The following SCARB1 variants were observed in gnomAD, a reference collection of about 807,000 sequenced individuals.
The protein encoded by SCARB1 is scavenger receptor class B member 1, also known as CD36 and LIMPII analogous 1.
SCARB1 carries 30 observed loss-of-function variants against 57.2 expected under a neutral mutation model. That is an observed-to-expected ratio of 0.52 (90% CI 0.39 to 0.71). The LOEUF is 0.71. Among genes scored for constraint, SCARB1 ranks in the 30% least tolerant of loss-of-function variants. The pLI, the probability that SCARB1 is intolerant of heterozygous loss-of-function variation, is 0.00. For synonymous variants in SCARB1, 249 were observed against 268.3 expected (o/e 0.93, Z 0.70); for missense variants, 543 against 671.2 (o/e 0.81, Z 2.11).
chr12:124,856,018 C>T (rs1389403613), intron 1 of SCARB1, among the ~76,000 whole-genome samples: 4 of 152,226 alleles, frequency 2.6e-5, no homozygotes, highest in African/African-American at 9.6e-5. Context: ...GGCTGAGCTT[C>T]GCCACGTTCT....
At chr12:124,815,893 A>G (rs1950695126) in intron 2 of SCARB1, among the ~76,000 whole-genome samples, 1 of 152,010 alleles carries the variant, frequency 6.6e-6, no homozygotes, top group African/African-American at 2.4e-5. Flanking sequence ...AGATCGTGCC[A>G]TGCTCTGGAC....
rs1950988001 is a variant in SCARB1 at position 124,822,526 on chromosome 12, C to T, written c.127-4819G>A. Among the ~76,000 whole-genome samples, 1 of 152,340 alleles carries T rather than the reference C, an allele frequency of 6.6e-6. No individual in the cohort carries two copies. The highest frequency in any genetic ancestry group is 2.1e-4 in the South Asian group (1 of 4,828). ...GACCGGGATGGAGGGAGGGGACTAA[C>T]GTGAACTGGCCCAGCTATCTTGATT... On this transcript the variant is annotated intron_variant, in intron 1 of 12. Transcript: ENST00000261693. This position sits in a 1 kb window ranked among gnomAD's most constrained non-coding sequence, Gnocchi z 5.0.
At chr12:124,803,031 A>T (rs1950187564) in intron 7 of SCARB1, among the ~76,000 whole-genome samples, 1 of 152,256 alleles carries the variant, frequency 6.6e-6, no homozygotes, top group African/African-American at 2.4e-5. Flanking sequence ...CCACACAGCA[A>T]CGGAGAGGAG....
chr12:124,815,168 C>T, intron 2 of SCARB1, 54 bp from the exon 3 acceptor site: 7 of 1,599,744 alleles, frequency 4.4e-6, no homozygotes, highest in Non-Finnish European at 6.0e-6. Flanking sequence ...GGGACGTTTC[C>T]CTTCTACTCG....
intron 1 of SCARB1, among the ~76,000 whole-genome samples, chr12:124,853,390 G>GTGT (rs1566260073): frequency 8.2e-6 from 1 of 122,534 alleles, no homozygotes; most frequent in African/African-American, 3.0e-5. Context: ...GCATAGTTTT[G>GTGT]TTTTTTTTTT....
intron 1 of SCARB1, among the ~76,000 whole-genome samples, chr12:124,861,338 C>CT (rs933272671): frequency 1.3e-5 from 2 of 152,016 alleles, no homozygotes; most frequent in Non-Finnish European, 2.9e-5. Context: ...GTTTTTATGT[C>CT]TTTTTTTAGT....
chr12:124,863,539 CCAGCGCCCAA>C lies in SCARB1; in HGVS notation c.126+46_126+55del, dbSNP rs1208272736. ...CGCAACGCGCGGGTCCTCCCGGCGC[CCAGCGCCCAA>C]CAGCCCGGGTCCGTGCGCGGACCCC... On this transcript the variant is annotated intron_variant, in intron 1 of 12. Coordinates refer to ENST00000261693, the MANE Select transcript of SCARB1 (RefSeq NM_005505.5). 1.9e-6 allele frequency: 3 copies of C among 1,569,590 alleles called. No individual in the cohort carries two copies. In the African/African-American group the frequency reaches 4.2e-5, roughly 22 times the overall value.
At chr12:124,842,661 G>A (rs758262660) in intron 1 of SCARB1, among the ~76,000 whole-genome samples, 1 of 152,208 alleles carries the variant, frequency 6.6e-6, no homozygotes, top group Non-Finnish European at 1.5e-5. Flanking sequence ...AAAGACACAG[G>A]GGTGTTTCCA....
At position 124,861,433 on chromosome 12, in the gene SCARB1, G is replaced by A. The variant is rs147845898; in HGVS notation, c.126+2162C>T. Among the ~76,000 whole-genome samples, 6 of 151,960 alleles carry A rather than the reference G, an allele frequency of 3.9e-5. No homozygotes were observed. In the East Asian group the frequency reaches 1.2e-3, roughly 29 times the overall value. Reference sequence around the variant, plus strand: ...CACGGATGCAGAACCTGCAGACACAGAGGGCCAACTGTAGGGACTTCTGTT... The same window carrying A: ...CACGGATGCAGAACCTGCAGACACAAAGGGCCAACTGTAGGGACTTCTGTT... On this transcript the variant is annotated intron_variant, in intron 1 of 12. Coordinates refer to ENST00000261693, the MANE Select transcript of SCARB1 (RefSeq NM_005505.5).
chr12:124,821,274 A>G (rs928493566), intron 1 of SCARB1: 82 of 436,342 alleles, frequency 1.9e-4, no homozygotes, highest in Non-Finnish European at 2.3e-4. Context: ...ACACACGCGC[A>G]CACACACACA....
chr12:124,798,481 C>G (rs911720428), intron 8 of SCARB1, among the ~76,000 whole-genome samples: 4 of 152,018 alleles, frequency 2.6e-5, no homozygotes, highest in African/African-American at 7.2e-5. Context: ...GGACACTATG[C>G]GAAGTAAAAT....
At position 124,813,696 on chromosome 12, in the gene SCARB1, TC is replaced by T. The variant is rs545013761; in HGVS notation, c.630+505del. Among the ~76,000 whole-genome samples, 127 of 151,500 alleles carry T rather than the reference TC, an allele frequency of 8.4e-4. 1 individual carries two copies. The highest frequency in any genetic ancestry group is 3.0e-3 in the African/African-American group (124 of 41,276). ...ATCTATCACACGCAGCACCACGATA[TC>T]CCCCCCAGCACTCTACCCTGATCAG... is the stretch of plus-strand genomic sequence containing the variant. On this transcript the variant is annotated intron_variant, in intron 4 of 12. Coordinates refer to ENST00000261693, the MANE Select transcript of SCARB1 (RefSeq NM_005505.5).
At chr12:124,846,219 T>C (rs982596703) in intron 1 of SCARB1, among the ~76,000 whole-genome samples, 3 of 152,188 alleles carry the variant, frequency 2.0e-5, no homozygotes, top group Admixed American at 2.0e-4. Flanking sequence ...TTATATGTTA[T>C]GTGAATTTGA....
In SCARB1 at chr12:124,817,664, T is replaced by C; in HGVS notation, c.170A>G (p.Lys57Arg). 1 of 1,614,170 alleles carries C rather than the reference T, an allele frequency of 6.2e-7. No homozygotes were observed. The highest frequency in any genetic ancestry group is 8.5e-7 in the Non-Finnish European group (1 of 1,179,994). ...GAGATAGAAGGGGATAGGGATCTCC[T>C]TCCACATGTTGAAGGACAGGCTACT... is the stretch of plus-strand genomic sequence containing the variant. ...DPSSLSFNMW[K>R]EIPIPFYLSV... Residue 57 changes from lysine to arginine, a missense_variant, in exon 2 of 13, where the codon AAG (lysine) becomes AGG (arginine). By Grantham distance (26) the Lys-to-Arg change is conservative. Transcript: ENST00000261693. The surrounding 1 kb of genome is among the most constrained non-coding windows in gnomAD (Gnocchi z 4.8).
intron 10 of SCARB1, 119 bp from the exon 11 acceptor site, chr12:124,786,622 G>A (rs1290877070): frequency 1.4e-5 from 22 of 1,536,126 alleles, no homozygotes; most frequent in Admixed American, 3.9e-5. Flanking sequence ...CAAGCTTCCC[G>A]GCTAAAGCAT....
At chr12:124,782,100 G>A (rs1445093402) in intron 12 of SCARB1, among the ~76,000 whole-genome samples, 1 of 151,948 alleles carries the variant, frequency 6.6e-6, no homozygotes, top group Non-Finnish European at 1.5e-5. Context: ...GTAGAGACAG[G>A]TTTTCACCAT....
At chr12:124,804,459 G>A (rs576805597) in intron 7 of SCARB1, among the ~76,000 whole-genome samples, 1 of 152,156 alleles carries the variant, frequency 6.6e-6, no homozygotes, top group African/African-American at 2.4e-5. Flanking sequence ...TTTTCATTAC[G>A]CAAACCAAGA....
chr12:124,842,555 A>G (rs553010812), intron 1 of SCARB1, among the ~76,000 whole-genome samples: 1 of 152,208 alleles, frequency 6.6e-6, no homozygotes, highest in Non-Finnish European at 1.5e-5. Context: ...TGGCAGCTTC[A>G]TCACACTTAT....
chr12:124,860,076 G>A lies in SCARB1; in HGVS notation c.126+3519C>T, dbSNP rs975012468. On this transcript the variant is annotated intron_variant, in intron 1 of 12. Transcript: ENST00000261693. ...AGCTATTCTCCTGCTTCAGCGTCCC[G>A]AATAGCTGGGATTACAGGCGTGCAC... is the stretch of plus-strand genomic sequence containing the variant. Among the ~76,000 whole-genome samples the A allele has an allele frequency of 2.6e-5, 4 of 151,198 alleles. No individual in the cohort carries two copies. The East Asian group carries it at 5.9e-4, about 22-fold the overall frequency.
Sources: allele counts gnomAD v4.1 joint callset (sites outside exome capture counted in the v4.1 genomes callset), GRCh38; gene constraint gnomAD v4.1.1; non-coding constraint Gnocchi (gnomAD v3.1); transcripts MANE v1.5; gene names NCBI Gene and HGNC (gene_info 2026-07-23, HGNC 2026-07-21).